Variants in UAP1 observed in about 807,000 individuals in gnomAD.
UAP1 encodes UDP-N-acetylglucosamine pyrophosphorylase 1.
A neutral mutation model predicts 58.5 loss-of-function variants in UAP1; 25 were observed. That is an observed-to-expected ratio of 0.43 (90% CI 0.31 to 0.60). The LOEUF (loss-of-function observed/expected upper bound fraction) is 0.60, where lower values mean the gene tolerates loss of function less well. Among genes scored for constraint, UAP1 ranks in the 20% least tolerant of loss-of-function variants. The pLI, the probability that UAP1 is intolerant of heterozygous loss-of-function variation, is 0.11. For missense variants in UAP1, 575 were observed against 630.0 expected (o/e 0.91, Z 0.93); for synonymous variants, 208 against 213.0 (o/e 0.98, Z 0.21).
intron 9 of UAP1, 148 bp from the exon 10 acceptor site, chr1:162,597,644 T>C: frequency 1.7e-6 from 1 of 594,968 alleles, no homozygotes; most frequent in Non-Finnish European, 2.9e-6. Flanking sequence ...TCAGGGAATT[T>C]AGTGATCATC....
chr1:162,599,634 C>T (rs777474146), exon 11 of UAP1: 13 of 278,666 alleles, frequency 4.7e-5, no homozygotes, highest in Admixed American at 9.9e-5. Flanking sequence ...AAATTTCGTA[C>T]AGCTGAAATA....
intron 5 of UAP1, among the ~76,000 whole-genome samples, chr1:162,586,249 G>C (rs1654895252): frequency 6.6e-6 from 1 of 152,102 alleles, no homozygotes; most frequent in Non-Finnish European, 1.5e-5. Flanking sequence ...TGTCAAATTG[G>C]GGACAGAGTT....
At position 162,586,749 on chromosome 1, in the gene UAP1, T is replaced by G. The variant is rs114776906; in HGVS notation, c.835-726T>G. On this transcript the variant is annotated intron_variant, in intron 5 of 10. Transcript: ENST00000271469. ...TTCTTAATTTTCCCTCTGATTTTAG[T>G]ATACCCTCTTTTCTCAGCTCCCCAT... 4.2e-3 allele frequency among the ~76,000 whole-genome samples: 638 copies of G among 152,318 alleles called. 1 individual carries two copies. The highest frequency in any genetic ancestry group is 6.4e-3 in the Non-Finnish European group (436 of 68,024).
intron 10 of UAP1, among the ~76,000 whole-genome samples, chr1:162,598,202 T>C (rs781168091): frequency 1.3e-5 from 2 of 149,868 alleles, no homozygotes; most frequent in Non-Finnish European, 3.0e-5. Context: ...CCTGTCTTTA[T>C]AAAGAAAAAA....
chr1:162,577,557 T>C (rs1654280577), intron 3 of UAP1, among the ~76,000 whole-genome samples: 1 of 144,858 alleles, frequency 6.9e-6, no homozygotes, highest in Non-Finnish European at 1.5e-5. Context: ...CAAGCCATCC[T>C]CCTACCTCAG....
At chr1:162,572,803 C>G (rs1056470294) in intron 2 of UAP1, among the ~76,000 whole-genome samples, 5 of 152,048 alleles carry the variant, frequency 3.3e-5, no homozygotes, top group Non-Finnish European at 7.4e-5. Flanking sequence ...TTTATTTATC[C>G]CACTTAATGT....
At chr1:162,583,461 T>C (rs1299641333) in intron 5 of UAP1, among the ~76,000 whole-genome samples, 1 of 150,864 alleles carries the variant, frequency 6.6e-6, no homozygotes, top group Admixed American at 6.6e-5. Context: ...CTGGTGTCAC[T>C]CTTTTTTCCT....
intron 8 of UAP1, among the ~76,000 whole-genome samples, chr1:162,591,366 A>T (rs1655300653): frequency 6.6e-6 from 1 of 152,188 alleles, no homozygotes; most frequent in Admixed American, 6.5e-5. Flanking sequence ...AAGAGAAGTA[A>T]ATGTCAGTTA....
chr1:162,563,215 C>T (rs751904456), intron 1 of UAP1, among the ~76,000 whole-genome samples: 11 of 152,104 alleles, frequency 7.2e-5, no homozygotes, highest in African/African-American at 2.7e-4. Flanking sequence ...CTTATATCTG[C>T]CTCAAATAAA....
At chr1:162,590,571 TCTC>T in intron 8 of UAP1, 60 bp downstream of exon 8, 1 of 350,334 alleles carries the variant, frequency 2.9e-6, no homozygotes. Flanking sequence ...CTCTTGGACT[TCTC>T]TCTCTCTCTC....
Position 162,576,758 on chromosome 1 carries a change from C to G in UAP1, c.281-19C>G, listed in dbSNP as rs761989732. ...GTTGAATTGTAGAGGTTTTGTGATA[C>G]AAGTGTTTTCTTTTCTAGGACTTTT... On this transcript the variant is annotated intron_variant, in intron 2 of 10. Transcript: ENST00000271469. The G allele has an allele frequency of 3.0e-5, 48 of 1,607,766 alleles. No homozygotes were observed. Among genetic ancestry groups the G allele is most frequent in the Non-Finnish European group, 4.0e-5 (47 of 1,175,446 alleles).
At chr1:162,581,415 T>A (rs1386915684) in exon 5 of UAP1, 1 of 1,614,036 alleles carries the variant, frequency 6.2e-7, no homozygotes, top group Non-Finnish European at 8.5e-7. Flanking sequence ...AGACCCACGG[T>A]TCATTGGATT....
chr1:162,563,149 G>A (rs1653265272), intron 1 of UAP1, among the ~76,000 whole-genome samples: 1 of 152,078 alleles, frequency 6.6e-6, no homozygotes, highest in African/African-American at 2.4e-5. Context: ...ACCATTACAC[G>A]TGCCTCTAAA....
At chr1:162,595,849 A>T (rs1289814934) in intron 9 of UAP1, among the ~76,000 whole-genome samples, 1 of 151,948 alleles carries the variant, frequency 6.6e-6, no homozygotes, top group Admixed American at 6.6e-5. Context: ...TTTTTTATTT[A>T]TTATTGTTAT....
intron 3 of UAP1, among the ~76,000 whole-genome samples, chr1:162,578,119 C>T (rs949361628): frequency 2.6e-5 from 4 of 152,122 alleles, no homozygotes; most frequent in South Asian, 2.1e-4. Flanking sequence ...TCTCTTTCCC[C>T]GAGCAGTTTT....
chr1:162,587,413 G>A, intron 5 of UAP1, 62 bp from the exon 6 acceptor site: 1 of 1,455,286 alleles, frequency 6.9e-7, no homozygotes, highest in Non-Finnish European at 9.3e-7. Context: ...TTTGACAATG[G>A]CAAATCTCCA....
intron 5 of UAP1, 127 bp from the exon 6 acceptor site, chr1:162,587,348 A>G: frequency 1.2e-6 from 1 of 833,384 alleles, no homozygotes; most frequent in Non-Finnish European, 1.9e-6. Flanking sequence ...GTCTAAAGTT[A>G]AAGATTCTTC....
In UAP1 at chr1:162,587,457, T is replaced by C. The variant is rs1485591796; in HGVS notation, c.835-18T>C. On this transcript the variant is annotated intron_variant, in intron 5 of 10. Transcript: ENST00000271469. Reference sequence around the variant, plus strand: ...TTTAATTCAATTTCCTCCTCTACTGTTTTTCTCTGGTGGACAGGTGGTAGA... The same window carrying C: ...TTTAATTCAATTTCCTCCTCTACTGCTTTTCTCTGGTGGACAGGTGGTAGA... The C allele has an allele frequency of 1.3e-6, 2 of 1,580,812 alleles. No individual in the cohort carries two copies. The highest frequency in any genetic ancestry group is 2.3e-5 in the South Asian group (2 of 87,826).
chr1:162,586,132 A>G (rs1301806338), intron 5 of UAP1, among the ~76,000 whole-genome samples: 1 of 152,200 alleles, frequency 6.6e-6, no homozygotes, highest in Admixed American at 6.5e-5. Flanking sequence ...TAGTGGCTTT[A>G]GTTTTCTGGA....
Sources: allele counts gnomAD v4.1 joint callset (sites outside exome capture counted in the v4.1 genomes callset), GRCh38; gene constraint gnomAD v4.1.1; transcripts MANE v1.5; gene names NCBI Gene and HGNC (gene_info 2026-07-23, HGNC 2026-07-21).